PRTG: variants seen among roughly 807,000 people sequenced by gnomAD.
PRTG encodes the protein immunoglobulin superfamily, DCC subclass, member 5.
Under a neutral mutation model 122.5 loss-of-function variants are expected in PRTG, and 67 were observed. The observed-to-expected ratio is 0.55, with a 90% CI of 0.45 to 0.67. PRTG has a LOEUF of 0.67. Ranked by LOEUF, PRTG falls within the 30% of genes least tolerant of loss-of-function variation. The pLI is 0.00. For synonymous variants in PRTG, 554 were observed against 501.1 expected (o/e 1.11, Z -1.41); for missense variants, 1,435 against 1,415.4 (o/e 1.01, Z -0.22).
At chr15:55,742,521 A>C in intron 1 of PRTG, 21 of 247,408 alleles carry the variant, frequency 8.5e-5, no homozygotes, top group South Asian at 1.5e-4. Flanking sequence ...GAGCCGGGAC[A>C]ATGGCGCGAG....
intron 11 of PRTG, among the ~76,000 whole-genome samples, chr15:55,668,784 A>G (rs1174159197): frequency 6.6e-6 from 1 of 152,222 alleles, no homozygotes; most frequent in African/African-American, 2.4e-5. Flanking sequence ...TATACTATGA[A>G]AGACACAATA....
chr15:55,661,799 A>C (rs1171090126), intron 11 of PRTG, among the ~76,000 whole-genome samples: 1 of 152,202 alleles, frequency 6.6e-6, no homozygotes, highest in African/African-American at 2.4e-5. Flanking sequence ...ACAGCTGCTA[A>C]AGCAGTAAAA....
At chr15:55,684,395 A>G (rs2059558819) in intron 2 of PRTG, among the ~76,000 whole-genome samples, 1 of 152,196 alleles carries the variant, frequency 6.6e-6, no homozygotes, top group Non-Finnish European at 1.5e-5. Context: ...GGGAAAGCAC[A>G]GAACATTTCA....
intron 2 of PRTG, among the ~76,000 whole-genome samples, chr15:55,728,270 T>C (rs1466566102): frequency 2.0e-5 from 3 of 152,212 alleles, no homozygotes; most frequent in African/African-American, 7.2e-5. Flanking sequence ...TTTCCTAACA[T>C]ATTCTATGAC....
rs746461408 is a variant in PRTG at position 55,627,017 on chromosome 15, C to T, written c.2918G>A (p.Ser973Asn). 8 of 1,606,600 alleles carry T rather than the reference C, an allele frequency of 5.0e-6. No individual in the cohort carries two copies. In the South Asian group the frequency reaches 9.0e-5, roughly 18 times the overall value. ...AGCAATGGAAACACACCTGGCTTTA[C>T]TTCGGTATATCAAGATGAGAACACA... Reference protein sequence around the residue: ...LICVLILIYRSKARKSSASKT... With the variant: ...LICVLILIYRNKARKSSASKT... Residue 973 changes from serine (S) to asparagine (N), a missense_variant, in exon 17 of 20, where the codon AGT (serine) becomes AAT (asparagine). By Grantham distance (46) the Ser-to-Asn change is conservative. Coordinates refer to ENST00000389286, the MANE Select transcript of PRTG (RefSeq NM_173814.6).
chr15:55,693,669 C>T (rs1222261273), intron 2 of PRTG, among the ~76,000 whole-genome samples: 1 of 152,124 alleles, frequency 6.6e-6, no homozygotes, highest in Admixed American at 6.5e-5. Flanking sequence ...GGAGATGTTA[C>T]TCAATCTCAA....
At chr15:55,726,698 G>C (rs1212362699) in intron 2 of PRTG, among the ~76,000 whole-genome samples, 51 of 150,722 alleles carry the variant, frequency 3.4e-4, no homozygotes, top group African/African-American at 1.2e-3. Context: ...AAACACAATG[G>C]AATAAAACTT....
chr15:55,661,479 G>A, intron 11 of PRTG, among the ~76,000 whole-genome samples: 1 of 152,166 alleles, frequency 6.6e-6, no homozygotes, highest in Non-Finnish European at 1.5e-5. Flanking sequence ...AGTCAGGCAT[G>A]TGGAGTGAGG....
At chr15:55,658,304 A>G (rs2059391267) in intron 11 of PRTG, among the ~76,000 whole-genome samples, 3 of 151,546 alleles carry the variant, frequency 2.0e-5, no homozygotes, top group Admixed American at 2.0e-4. Flanking sequence ...GTGCATGCGC[A>G]TTATTGTTTT....
intron 2 of PRTG, among the ~76,000 whole-genome samples, chr15:55,687,717 C>G (rs1294376953): frequency 3.3e-5 from 5 of 152,174 alleles, no homozygotes; most frequent in Non-Finnish European, 2.9e-5. Context: ...TATAAAGGTA[C>G]ACATTTTTTA....
chr15:55,696,973 A>C (rs1343977340), intron 2 of PRTG, among the ~76,000 whole-genome samples: 2 of 152,232 alleles, frequency 1.3e-5, no homozygotes, highest in African/African-American at 2.4e-5. Context: ...AAGTTTCTAC[A>C]GACTATTTTC....
At chr15:55,673,130 A>C (rs1034104693) in intron 10 of PRTG, among the ~76,000 whole-genome samples, 1 of 152,184 alleles carries the variant, frequency 6.6e-6, no homozygotes, top group Non-Finnish European at 1.5e-5. Flanking sequence ...ATTTGGACTG[A>C]TCTGTCCATG....
At chr15:55,714,383 C>A (rs1369588294) in intron 2 of PRTG, among the ~76,000 whole-genome samples, 1 of 151,320 alleles carries the variant, frequency 6.6e-6, no homozygotes, top group Non-Finnish European at 1.5e-5. Context: ...TGCACCCCCA[C>A]CCCCCCGCTA....
chr15:55,738,094 T>TATATATA (rs1555438628), intron 2 of PRTG: 5 of 42,006 alleles, frequency 1.2e-4, no homozygotes, highest in Non-Finnish European at 3.5e-4. Flanking sequence ...ATATATATAT[T>TATATATA]TACTCTGAAC....
intron 2 of PRTG, chr15:55,702,846 T>C (rs2029943720): frequency 8.6e-6 from 8 of 933,022 alleles, no homozygotes; most frequent in Non-Finnish European, 1.0e-5. Context: ...CCTAACCCTC[T>C]GCCTCTTGAT....
At chr15:55,698,004 C>G (rs1422454060) in intron 2 of PRTG, among the ~76,000 whole-genome samples, 3 of 152,122 alleles carry the variant, frequency 2.0e-5, no homozygotes, top group African/African-American at 7.2e-5. Flanking sequence ...CCCTATTCAC[C>G]TAGCTTCTCT....
chr15:55,635,406 T>C (rs1410271093), intron 15 of PRTG, among the ~76,000 whole-genome samples: 2 of 152,146 alleles, frequency 1.3e-5, no homozygotes, highest in Non-Finnish European at 1.5e-5. Flanking sequence ...TTGCCGTTTT[T>C]AGACTACTCA....
At chr15:55,727,593 C>G (rs1291411829) in intron 2 of PRTG, among the ~76,000 whole-genome samples, 1 of 152,058 alleles carries the variant, frequency 6.6e-6, no homozygotes, top group Non-Finnish European at 1.5e-5. Context: ...GTGAGGAATT[C>G]GAGACCAGCC....
chr15:55,678,123 ACT>A (rs2059514116), intron 7 of PRTG, 79 bp from the exon 8 acceptor site: 2 of 794,624 alleles, frequency 2.5e-6, no homozygotes, highest in Admixed American at 5.5e-5. Context: ...TGCTAAATAT[ACT>A]CTCATTTTAT....
Sources: gnomAD v4.1 joint callset for allele counts (sites outside exome capture counted in the v4.1 genomes callset) on GRCh38, gnomAD v4.1.1 for gene constraint, MANE v1.5 for transcripts, NCBI Gene and HGNC (gene_info 2026-07-23, HGNC 2026-07-21) for gene names.